Variants in WDR27 observed in about 807,000 individuals in gnomAD.
WDR27 encodes WD repeat-containing protein 27.
A neutral mutation model predicts 114.4 loss-of-function variants in WDR27; 100 were observed. The ratio of observed to expected loss-of-function variants is 0.87; its 90% CI spans 0.74 to 1.03. The LOEUF is 1.03. WDR27 is among the 50% of genes least tolerant of loss of function. The pLI is 0.00. For missense variants in WDR27, 1,129 were observed against 1,092.9 expected (o/e 1.03, Z -0.47); for synonymous variants, 449 against 423.1 (o/e 1.06, Z -0.75).
At chr6:169,660,036 C>T (rs568462053) in intron 10 of WDR27, among the ~76,000 whole-genome samples, 1 of 151,940 alleles carries the variant, frequency 6.6e-6, no homozygotes, top group South Asian at 2.1e-4. Context: ...CCGAGAGGAG[C>T]AGTGCCCGGG....
chr6:169,649,410 C>G (rs900230378), intron 14 of WDR27, 135 bp from the exon 15 acceptor site: 3 of 702,208 alleles, frequency 4.3e-6, no homozygotes, highest in Non-Finnish European at 7.3e-6. Context: ...GCCCCTCCCA[C>G]CTGTCCTCCA....
At chr6:169,600,964 C>T (rs1000318549) in intron 23 of WDR27, among the ~76,000 whole-genome samples, 5 of 152,050 alleles carry the variant, frequency 3.3e-5, no homozygotes, top group Admixed American at 2.6e-4. Context: ...ATACAGAGAA[C>T]GCCAAAAAGA....
chr6:169,668,165 G>C lies in WDR27; in HGVS notation c.477C>G (p.Tyr159Ter), dbSNP rs1198415295. 43 of 1,614,002 alleles carry C rather than the reference G, an allele frequency of 2.7e-5. No homozygotes were observed. The highest frequency in any genetic ancestry group is 3.6e-5 in the Non-Finnish European group (43 of 1,179,878). The change falls in exon 5 of 26, where the codon TAC (tyrosine) becomes TAG (stop). Residue 159 changes from tyrosine to a stop codon, truncating the protein, a stop_gained. Coordinates refer to ENST00000448612, the MANE Select transcript of WDR27 (RefSeq NM_182552.5). LOFTEE classifies it high-confidence loss of function. ...LDIEQRFSVT[Y>*]IERPDVNNRH... Reference sequence around the variant, plus strand: ...GGTTATTAACATCAGGACGTTCTATGTATGTCACAGAAAATCGCTGCTATT... The same window carrying C: ...GGTTATTAACATCAGGACGTTCTATCTATGTCACAGAAAATCGCTGCTATT...
intron 25 of WDR27, among the ~76,000 whole-genome samples, chr6:169,532,600 T>G (rs1795727315): frequency 6.6e-6 from 1 of 152,212 alleles, no homozygotes; most frequent in Non-Finnish European, 1.5e-5. Context: ...CAATGAAAAT[T>G]ACATTCAATT....
At chr6:169,699,666 G>A (rs934893401) in intron 1 of WDR27, among the ~76,000 whole-genome samples, 2 of 152,160 alleles carry the variant, frequency 1.3e-5, no homozygotes, top group African/African-American at 2.4e-5. Flanking sequence ...TGGAGGAAAA[G>A]GACTAAGGGT....
In WDR27 at chr6:169,649,188, C is replaced by T; in HGVS notation, c.1559+10G>A. 3.2e-6 allele frequency: 5 copies of T among 1,562,796 alleles called. No individual in the cohort carries two copies. The highest frequency in any genetic ancestry group is 1.4e-5 in the African/African-American group (1 of 73,694). On this transcript the variant is annotated intron_variant, in intron 15 of 25. Transcript: ENST00000448612. ...TCAAATGTACTTGGAATGCACGCTA[C>T]ATCACACACCGTGCGCAGCTGCTCC... is the stretch of plus-strand genomic sequence containing the variant.
chr6:169,632,189 CAAAA>C (rs1012298678), intron 21 of WDR27, among the ~76,000 whole-genome samples: 1 of 63,894 alleles, frequency 1.6e-5, no homozygotes, highest in South Asian at 6.1e-4. Flanking sequence ...GACTCTGTCT[CAAAA>C]AAAAAAAAAA....
At chr6:169,692,315 A>C (rs1002904444) in intron 1 of WDR27, among the ~76,000 whole-genome samples, 4 of 152,172 alleles carry the variant, frequency 2.6e-5, no homozygotes, top group Non-Finnish European at 4.4e-5. Context: ...ATAGGGTGAA[A>C]GAAGCTTCCA....
At chr6:169,476,672 A>AT (rs199882580) in intron 25 of WDR27, among the ~76,000 whole-genome samples, 2,019 of 150,838 alleles carry the variant, frequency 0.013, 45 homozygotes, top group African/African-American at 0.042. Context: ...CCCCATGGCT[A>AT]TTTTTTTTTA....
At chr6:169,614,582 G>A (rs1811351621) in intron 21 of WDR27, among the ~76,000 whole-genome samples, 1 of 151,958 alleles carries the variant, frequency 6.6e-6, no homozygotes, top group Non-Finnish European at 1.5e-5. Context: ...CAGCTACTGG[G>A]GAGACTGAGG....
rs751306445 is a variant in WDR27 at position 169,659,613 on chromosome 6, A to C, written c.1130-95T>G. On this transcript the variant is annotated intron_variant, in intron 10 of 25. Coordinates refer to ENST00000448612, the MANE Select transcript of WDR27 (RefSeq NM_182552.5). This position sits in a 1 kb window ranked among gnomAD's most constrained non-coding sequence, Gnocchi z 4.3. ...CCAGAGCCCACCACACACAGCCCAG[A>C]GCCCACCACACACAGTCCAGGCCCC... The C allele has an allele frequency of 4.2e-6, 5 of 1,176,954 alleles. No individual in the cohort carries two copies. Among genetic ancestry groups the C allele is most frequent in the Non-Finnish European group, 4.9e-6 (4 of 815,190 alleles). 72.9% of individuals were successfully genotyped at this position (1,176,954 alleles called of 1,614,324 possible). A position where few individuals can be genotyped will look rare whatever the true frequency, so the allele number is the denominator to read the frequency against.
chr6:169,531,899 G>A (rs779423869), intron 25 of WDR27, among the ~76,000 whole-genome samples: 4 of 152,036 alleles, frequency 2.6e-5, no homozygotes, highest in South Asian at 2.1e-4. Context: ...CGCCTGTCTC[G>A]GCCTTTATTC....
intron 23 of WDR27, among the ~76,000 whole-genome samples, chr6:169,590,680 T>C (rs923766725): frequency 6.6e-6 from 1 of 152,202 alleles, no homozygotes; most frequent in Non-Finnish European, 1.5e-5. Context: ...TCTGGCAAAA[T>C]AAATATGGCA....
rs549471292 is a variant in WDR27 at position 169,641,196 on chromosome 6, G to C, written c.1747+2501C>G. 4.6e-5 allele frequency among the ~76,000 whole-genome samples: 7 copies of C among 152,334 alleles called. No individual in the cohort carries two copies. The South Asian group carries it at 1.4e-3, about 32-fold the overall frequency. ...CCACTCCCAGGATGAAAACAATGGA[G>C]ATTCCTTAGAACTTGCCAAAGGTGG... On this transcript the variant is annotated intron_variant, in intron 17 of 25. Transcript: ENST00000448612.
At chr6:169,529,316 G>GGC (rs1562537643) in intron 25 of WDR27, among the ~76,000 whole-genome samples, 3 of 141,996 alleles carry the variant, frequency 2.1e-5, no homozygotes, top group Non-Finnish European at 4.6e-5. Flanking sequence ...CCTCTGCGGG[G>GGC]GGGGGGGGCA....
chr6:169,679,219 G>A lies in WDR27; in HGVS notation c.190-6823C>T, dbSNP rs115360938. On this transcript the variant is annotated intron_variant, in intron 2 of 25. Transcript: ENST00000448612. ...TCCCTGAAATATATAAAATGAAGCT[G>A]TGCCCTGACCACCTTGGGCACACGT... 7.4e-3 allele frequency among the ~76,000 whole-genome samples: 1,128 copies of A among 152,250 alleles called. 11 individuals carry two copies. Among genetic ancestry groups the A allele is most frequent in the African/African-American group, 0.026 (1,078 of 41,532 alleles).
At chr6:169,505,702 A>T (rs1791920911) in intron 25 of WDR27, among the ~76,000 whole-genome samples, 1 of 152,220 alleles carries the variant, frequency 6.6e-6, no homozygotes, top group Non-Finnish European at 1.5e-5. Context: ...GGCACACTGA[A>T]GTTTAAGAAG....
intron 25 of WDR27, among the ~76,000 whole-genome samples, chr6:169,461,764 T>A (rs1784936672): frequency 1.4e-5 from 2 of 145,376 alleles, no homozygotes; most frequent in African/African-American, 2.5e-5. Flanking sequence ...ATAAGAAAGA[T>A]CAGAGCAAAA....
intron 25 of WDR27, among the ~76,000 whole-genome samples, chr6:169,478,314 G>A (rs1447892457): frequency 6.6e-6 from 1 of 152,032 alleles, no homozygotes; most frequent in Non-Finnish European, 1.5e-5. Context: ...ACCACATGTT[G>A]GACAAAGTAA....
Sources: gnomAD v4.1 joint callset for allele counts (sites outside exome capture counted in the v4.1 genomes callset) on GRCh38, gnomAD v4.1.1 for gene constraint, Gnocchi (gnomAD v3.1) non-coding constraint, MANE v1.5 for transcripts, NCBI Gene and HGNC (gene_info 2026-07-23, HGNC 2026-07-21) for gene names.